Variants in ZFHX4 observed in about 807,000 individuals in gnomAD.
The protein encoded by ZFHX4 is zinc finger homeobox 4, also known as zinc finger homeobox protein 4.
A neutral mutation model predicts 267.6 loss-of-function variants in ZFHX4; 56 were observed. The observed-to-expected ratio is 0.21, with a 90% CI of 0.17 to 0.26. The LOEUF (loss-of-function observed/expected upper bound fraction) is 0.26, where lower values mean the gene tolerates loss of function less well. ZFHX4 is among the 10% of genes least tolerant of loss of function. The probability of loss-of-function intolerance (pLI) is 1.00; values close to 1 mark genes in which losing one functional copy is unlikely to be tolerated. For missense variants in ZFHX4, 4,332 were observed against 4,420.0 expected (o/e 0.98, Z 0.56); for synonymous variants, 1,778 against 1,665.6 (o/e 1.07, Z -1.64).
At chr8:76,768,323 G>A (rs2131743996) in intron 3 of ZFHX4, among the ~76,000 whole-genome samples, 1 of 152,246 alleles carries the variant, frequency 6.6e-6, no homozygotes, top group Non-Finnish European at 1.5e-5. Context: ...TTTAATTGCA[G>A]GAGTGGCATA....
intron 3 of ZFHX4, among the ~76,000 whole-genome samples, chr8:76,724,632 G>T (rs1808805995): frequency 6.6e-6 from 1 of 152,120 alleles, no homozygotes; most frequent in South Asian, 2.1e-4. Flanking sequence ...TCTGAGTCCA[G>T]AAGTTGGTTT....
At chr8:76,822,334 A>C (rs1185822913) in intron 4 of ZFHX4, among the ~76,000 whole-genome samples, 1 of 152,088 alleles carries the variant, frequency 6.6e-6, no homozygotes, top group Non-Finnish European at 1.5e-5. Context: ...CATCTCTGAC[A>C]ATATCAACAG....
intron 4 of ZFHX4, among the ~76,000 whole-genome samples, chr8:76,830,655 T>C (rs10101990): frequency 0.024 from 3,645 of 152,316 alleles, 52 homozygotes; most frequent in African/African-American, 0.031. Context: ...AAATTATTTG[T>C]ACAAGTAGCT....
Position 76,863,564 on chromosome 8 carries a change from G to A in ZFHX4, c.9850G>A (p.Gly3284Arg). 6.2e-7 allele frequency: 1 copy of A among 1,613,780 alleles called. No homozygotes were observed. The highest frequency in any genetic ancestry group is 8.5e-7 in the Non-Finnish European group (1 of 1,179,814). ...FTPQLPGTVQ[G>R]GYFPPVCGME... ...ACCTCAGCTCCCTGGAACAGTGCAG[G>A]GGGGATACTTCCCACCTGTCTGTGG... is the stretch of plus-strand genomic sequence containing the variant. The change falls in exon 11 of 11, where the codon GGG (glycine) becomes AGG (arginine). Residue 3284 changes from glycine (G) to arginine (R), a missense_variant. Gly to Arg is a moderately radical substitution (Grantham distance 125). This residue lies in a region of ZFHX4 where 1,648 missense variants were observed against 1,625.0 expected (regional missense o/e 1.01). Coordinates refer to ENST00000651372, the MANE Select transcript of ZFHX4 (RefSeq NM_024721.5).
chr8:76,816,864 G>A (rs977436824), intron 4 of ZFHX4, among the ~76,000 whole-genome samples: 1 of 152,056 alleles, frequency 6.6e-6, no homozygotes. Context: ...TCAAAATGCT[G>A]GGATTACAGG....
chr8:76,781,589 G>T lies in ZFHX4; in HGVS notation c.3325+3150G>T, dbSNP rs1810549586. On this transcript the variant is annotated intron_variant, in intron 4 of 10. Transcript: ENST00000651372. Reference sequence around the variant, plus strand: ...GGCATTGTGGATGCATAATTTGGGTGGAAGATTTTTTGACCTATTAACTTT... The same window carrying T: ...GGCATTGTGGATGCATAATTTGGGTTGAAGATTTTTTGACCTATTAACTTT... Among the ~76,000 whole-genome samples, 3 of 152,044 alleles carry T rather than the reference G, an allele frequency of 2.0e-5. No individual in the cohort carries two copies. The East Asian group carries it at 5.8e-4, about 29-fold the overall frequency.
At chr8:76,708,266 TCTCAGTGG>T (rs1229770446) in intron 3 of ZFHX4, 1 of 584,892 alleles carries the variant, frequency 1.7e-6, no homozygotes, top group Non-Finnish European at 2.9e-6. Flanking sequence ...CTTACACCTG[TCTCAGTGG>T]CATTTATTTC....
chr8:76,702,584 G>T (rs758664555), intron 1 of ZFHX4, among the ~76,000 whole-genome samples: 28 of 152,122 alleles, frequency 1.8e-4, no homozygotes, highest in Non-Finnish European at 3.8e-4. Context: ...GTGTAATAAG[G>T]TATAGGGATG....
In ZFHX4 at chr8:76,782,443, T is replaced by C. The variant is rs148765948; in HGVS notation, c.3325+4004T>C. Among the ~76,000 whole-genome samples the C allele has an allele frequency of 4.0e-3, 614 of 152,154 alleles. 2 individuals carry two copies. The highest frequency in any genetic ancestry group is 0.01 in the Middle Eastern group (3 of 294). On this transcript the variant is annotated intron_variant, in intron 4 of 10. Coordinates refer to ENST00000651372, the MANE Select transcript of ZFHX4 (RefSeq NM_024721.5). ...TTACATTGCTATTTAAAGATAGCAA[T>C]GCAGTAGAGATGGAAAGAAATAGTG...
At chr8:76,764,170 A>C (rs1175057165) in intron 3 of ZFHX4, among the ~76,000 whole-genome samples, 2 of 152,190 alleles carry the variant, frequency 1.3e-5, no homozygotes, top group Non-Finnish European at 2.9e-5. Flanking sequence ...TACAAACTTG[A>C]TTTAAATACT....
intron 4 of ZFHX4, among the ~76,000 whole-genome samples, chr8:76,830,566 C>G (rs1425203059): frequency 6.6e-6 from 1 of 152,070 alleles, no homozygotes; most frequent in Non-Finnish European, 1.5e-5. Flanking sequence ...TTTTGTAAGT[C>G]AAAAGCTCCT....
At chr8:76,782,204 C>T (rs1482183854) in intron 4 of ZFHX4, 3 of 439,364 alleles carry the variant, frequency 6.8e-6, no homozygotes, top group Non-Finnish European at 1.4e-5. Flanking sequence ...CCAACAGGCT[C>T]ATCAGCAGCA....
chr8:76,807,223 C>T (rs1740302094), intron 4 of ZFHX4, among the ~76,000 whole-genome samples: 1 of 151,874 alleles, frequency 6.6e-6, no homozygotes, highest in Non-Finnish European at 1.5e-5. Context: ...CCAAATTTTT[C>T]TGACAAGTTT....
Position 76,706,471 on chromosome 8 carries a change from A to G in ZFHX4, c.2383A>G (p.Met795Val), listed in dbSNP as rs746697700. Reference protein sequence around the residue: ...HMTSEKHMHNMMLLQQNMKQI... With the variant: ...HMTSEKHMHNVMLLQQNMKQI... ...GACCAGCGAAAAGCACATGCATAAT[A>G]TGATGCTTTTGCAGCAGAACATGAA... Residue 795 changes from methionine to valine, a missense_variant, in exon 2 of 11, where the codon ATG becomes GTG. Met to Val is a conservative substitution (Grantham distance 21). Transcript: ENST00000651372. 103 of 1,614,014 alleles carry G rather than the reference A, an allele frequency of 6.4e-5. No homozygotes were observed. Among genetic ancestry groups the G allele is most frequent in the Non-Finnish European group, 8.4e-5 (99 of 1,179,992 alleles).
chr8:76,730,545 AT>A (rs796904709), intron 3 of ZFHX4, among the ~76,000 whole-genome samples: 115 of 152,126 alleles, frequency 7.6e-4, no homozygotes, highest in African/African-American at 2.8e-3. Flanking sequence ...CTAAAAATAC[AT>A]AAATTAGCCG....
chr8:76,688,505 C>A (rs1296768804), intron 1 of ZFHX4, among the ~76,000 whole-genome samples: 1 of 151,968 alleles, frequency 6.6e-6, no homozygotes, highest in South Asian at 2.1e-4. Context: ...AGAGATAAGT[C>A]TTTTTAAAAG....
At chr8:76,729,722 G>A (rs1476846701) in intron 3 of ZFHX4, among the ~76,000 whole-genome samples, 2 of 152,016 alleles carry the variant, frequency 1.3e-5, no homozygotes, top group Admixed American at 1.3e-4. Flanking sequence ...TATTGCATCA[G>A]CATGAACAAA....
chr8:76,814,040 A>G (rs1811441358), intron 4 of ZFHX4, among the ~76,000 whole-genome samples: 1 of 152,110 alleles, frequency 6.6e-6, no homozygotes, highest in Non-Finnish European at 1.5e-5. Context: ...AACCGTCATC[A>G]TGCTATTCTT....
chr8:76,763,993 A>G lies in ZFHX4; in HGVS notation c.3094-14215A>G, dbSNP rs966092838. Among the ~76,000 whole-genome samples, 4 of 152,244 alleles carry G rather than the reference A, an allele frequency of 2.6e-5. No individual in the cohort carries two copies. In the East Asian group the frequency reaches 7.7e-4, roughly 29 times the overall value. On this transcript the variant is annotated intron_variant, in intron 3 of 10. Coordinates refer to ENST00000651372, the MANE Select transcript of ZFHX4 (RefSeq NM_024721.5). ...CATATGTTCATAATCTTTATCATTT[A>G]TTTTTCTCATCACATGGTTTGGTCT...
Sources: gnomAD v4.1 joint callset for allele counts (sites outside exome capture counted in the v4.1 genomes callset) on GRCh38, gnomAD v4.1.1 for gene constraint, gnomAD v4.1.1 regional missense constraint, MANE v1.5 for transcripts, NCBI Gene and HGNC (gene_info 2026-07-23, HGNC 2026-07-21) for gene names.